The following DPP4 variants were observed in gnomAD, a reference collection of about 807,000 sequenced individuals.
DPP4 encodes the protein ADCP-2.
Under a neutral mutation model 122.4 loss-of-function variants are expected in DPP4, and 93 were observed. That is an observed-to-expected ratio of 0.76 (90% CI 0.64 to 0.90). DPP4 has a LOEUF of 0.90. Among genes scored for constraint, DPP4 ranks in the 40% least tolerant of loss-of-function variants. The pLI is 0.00. For synonymous variants in DPP4, 321 were observed against 302.9 expected (o/e 1.06, Z -0.62); for missense variants, 914 against 907.3 (o/e 1.01, Z -0.09).
At chr2:162,033,025 A>G (rs959261122) in intron 10 of DPP4, among the ~76,000 whole-genome samples, 3 of 151,606 alleles carry the variant, frequency 2.0e-5, no homozygotes, top group Non-Finnish European at 4.4e-5. Flanking sequence ...AGTCACCCCA[A>G]CCTCCTTGCA....
intron 23 of DPP4, among the ~76,000 whole-genome samples, chr2:161,998,134 A>G (rs923903350): frequency 6.6e-6 from 1 of 152,200 alleles, no homozygotes; most frequent in Non-Finnish European, 1.5e-5. Flanking sequence ...CTTTGTGACT[A>G]CGCAAGTGAC....
chr2:162,036,449 C>T (rs1304985141), intron 8 of DPP4, among the ~76,000 whole-genome samples: 2 of 152,130 alleles, frequency 1.3e-5, no homozygotes, highest in African/African-American at 4.8e-5. Flanking sequence ...AGTTAAGGCT[C>T]ACAATAACCC....
At chr2:162,040,893 T>A (rs1683960850) in intron 5 of DPP4, among the ~76,000 whole-genome samples, 1 of 151,816 alleles carries the variant, frequency 6.6e-6, no homozygotes, top group Non-Finnish European at 1.5e-5. Context: ...TCTATAAACC[T>A]AAAGCTGTTC....
intron 7 of DPP4, 24 bp downstream of exon 7, chr2:162,038,925 T>G (rs1224466927): frequency 6.2e-7 from 1 of 1,610,904 alleles, no homozygotes; most frequent in South Asian, 1.1e-5. Flanking sequence ...TATATTTTTC[T>G]GACAACTGGA....
chr2:162,071,647 A>G (rs1333722303), intron 2 of DPP4, among the ~76,000 whole-genome samples: 4 of 152,194 alleles, frequency 2.6e-5, no homozygotes. Flanking sequence ...ATTTTTTTGA[A>G]TCATAAGAGT....
Position 162,060,859 on chromosome 2 carries a change from C to CTCCT in DPP4, c.94+12536_94+12539dup, listed in dbSNP as rs375829539. 2.9e-3 allele frequency among the ~76,000 whole-genome samples: 437 copies of CTCCT among 151,672 alleles called. 1 individual carries two copies. Among genetic ancestry groups the CTCCT allele is most frequent in the African/African-American group, 1.0e-2 (412 of 41,270 alleles). Reference sequence around the variant, plus strand: ...TACCTTTTCCCTCTAAAACACAAAGCTCCTTCCTTCCTTCCTTCCCTCTTT... The same window carrying CTCCT: ...TACCTTTTCCCTCTAAAACACAAAGCTCCTTCCTTCCTTCCTTCCTTCCCTCTTT... On this transcript the variant is annotated intron_variant, in intron 2 of 25. Transcript: ENST00000360534.
intron 19 of DPP4, among the ~76,000 whole-genome samples, chr2:162,012,317 TA>T (rs199592263): frequency 0.015 from 2,336 of 151,902 alleles, 33 homozygotes; most frequent in Non-Finnish European, 0.019. Flanking sequence ...AGTTGTGGTA[TA>T]AAAAAAATGA....
intron 2 of DPP4, among the ~76,000 whole-genome samples, chr2:162,070,308 C>G (rs1279511314): frequency 7.2e-6 from 1 of 139,516 alleles, no homozygotes; most frequent in Non-Finnish European, 1.6e-5. Flanking sequence ...AGTATTAAGC[C>G]TCTCTCTCTC....
At chr2:162,003,114 C>T (rs1701193007) in intron 23 of DPP4, among the ~76,000 whole-genome samples, 1 of 152,208 alleles carries the variant, frequency 6.6e-6, no homozygotes, top group South Asian at 2.1e-4. Flanking sequence ...GAAAACCCGA[C>T]TCCTGGCGTG....
intron 10 of DPP4, among the ~76,000 whole-genome samples, chr2:162,028,457 A>T (rs1051557795): frequency 6.6e-6 from 1 of 152,252 alleles, no homozygotes; most frequent in African/African-American, 2.4e-5. Context: ...CAGGATTATC[A>T]TCTATGCTTT....
At chr2:161,998,291 C>T (rs1295575461) in intron 23 of DPP4, among the ~76,000 whole-genome samples, 4 of 152,208 alleles carry the variant, frequency 2.6e-5, no homozygotes, top group South Asian at 4.1e-4. Flanking sequence ...TGACCGTAAA[C>T]ATTAATTGCC....
In DPP4 at chr2:162,073,987, G is replaced by A. The variant is rs752280500; in HGVS notation, c.-6C>T. On this transcript the variant is annotated 5_prime_UTR_variant, in exon 1 of 26. Coordinates refer to ENST00000360534, the MANE Select transcript of DPP4 (RefSeq NM_001935.4). ...GGCGCGGCACTCACCTTCATCGTCG[G>A]CGTCTCCTCGGAAGTGAGCGTTCAG... 2.5e-6 allele frequency: 4 copies of A among 1,612,092 alleles called. No homozygotes were observed. Among genetic ancestry groups the A allele is most frequent in the Non-Finnish European group, 8.5e-7 (1 of 1,179,166 alleles).
In DPP4 at chr2:162,060,487, G is replaced by A. The variant is rs1168956014; in HGVS notation, c.94+12912C>T. On this transcript the variant is annotated intron_variant, in intron 2 of 25. Transcript: ENST00000360534. ...TTTTTCCTGAACTCATTAAAAAGTA[G>A]TCACGTAAGCTTTAAAATAGGTTTG... Among the ~76,000 whole-genome samples, 5 of 152,132 alleles carry A rather than the reference G, an allele frequency of 3.3e-5. No individual in the cohort carries two copies. In the East Asian group the frequency reaches 7.7e-4, roughly 23 times the overall value.
intron 2 of DPP4, among the ~76,000 whole-genome samples, chr2:162,063,388 A>G (rs1376994406): frequency 6.6e-6 from 1 of 152,144 alleles, no homozygotes; most frequent in Non-Finnish European, 1.5e-5. Flanking sequence ...TGTAAATGGT[A>G]TTTGAGGCCA....
At chr2:162,016,485 T>C (rs182913698) in intron 18 of DPP4, among the ~76,000 whole-genome samples, 58 of 152,336 alleles carry the variant, frequency 3.8e-4, no homozygotes, top group African/African-American at 1.4e-3. Flanking sequence ...TTAATATTAG[T>C]AGAATAATAG....
chr2:162,022,488 TG>T (rs1683166277), intron 12 of DPP4, among the ~76,000 whole-genome samples: 1 of 152,248 alleles, frequency 6.6e-6, no homozygotes, highest in Non-Finnish European at 1.5e-5. Context: ...TTTAACTTGC[TG>T]GGAGTTACAA....
intron 5 of DPP4, among the ~76,000 whole-genome samples, chr2:162,043,603 T>C (rs1453696716): frequency 1.3e-5 from 2 of 152,208 alleles, no homozygotes; most frequent in African/African-American, 4.8e-5. Flanking sequence ...AACCTGGCTA[T>C]ATAGTAAGGT....
At chr2:162,064,882 C>T (rs1203983575) in intron 2 of DPP4, among the ~76,000 whole-genome samples, 4 of 152,214 alleles carry the variant, frequency 2.6e-5, no homozygotes, top group African/African-American at 9.7e-5. Context: ...GAGAGAATTA[C>T]AGCTCCAGAT....
intron 10 of DPP4, among the ~76,000 whole-genome samples, chr2:162,028,069 AAAC>A (rs1559714229): frequency 1.3e-5 from 2 of 151,506 alleles, no homozygotes; most frequent in Admixed American, 1.3e-4. Flanking sequence ...AAAAAAAAAA[AAAC>A]AAAAAACTGC....
Sources: allele counts gnomAD v4.1 joint callset (sites outside exome capture counted in the v4.1 genomes callset), GRCh38; gene constraint gnomAD v4.1.1; transcripts MANE v1.5; gene names NCBI Gene and HGNC (gene_info 2026-07-23, HGNC 2026-07-21).